CDK5RAP2: variants seen among roughly 807,000 people sequenced by gnomAD.
CDK5RAP2 encodes CDK5 regulatory subunit associated protein 2, also known as CDK5 regulatory subunit-associated protein 2.
In CDK5RAP2, 147 loss-of-function variants were observed where a neutral mutation model predicts 232.9. The observed-to-expected ratio is 0.63, with a 90% CI of 0.55 to 0.72. The LOEUF is 0.72. Among genes scored for constraint, CDK5RAP2 ranks in the 30% least tolerant of loss-of-function variants. CDK5RAP2 has a pLI of 0.00. For missense variants in CDK5RAP2, 2,195 were observed against 2,231.5 expected, an observed-to-expected ratio of 0.98 and a Z score of 0.33; for synonymous variants, 833 against 833.7, an observed-to-expected ratio of 1.00 and a Z score of 0.01.
chr9:120,531,295 C>T (rs973062498), intron 7 of CDK5RAP2, among the ~76,000 whole-genome samples: 1 of 139,858 alleles, frequency 7.2e-6, no homozygotes, highest in African/African-American at 2.6e-5. Flanking sequence ...ACCTGACAAA[C>T]ACCCATTCAT....
At chr9:120,401,812 C>T (rs111452828) in intron 34 of CDK5RAP2, among the ~76,000 whole-genome samples, 5,466 of 151,798 alleles carry the variant, frequency 0.036, 111 homozygotes, top group African/African-American at 0.058. Flanking sequence ...GGTGAAACCC[C>T]GTCTCTACTA....
chr9:120,448,181 G>T, intron 21 of CDK5RAP2, 55 bp from the exon 22 acceptor site: 1 of 1,397,512 alleles, frequency 7.2e-7, no homozygotes, highest in Non-Finnish European at 1.0e-6. Context: ...TCCTTTGGTT[G>T]CACAGTCAAC....
intron 21 of CDK5RAP2, among the ~76,000 whole-genome samples, chr9:120,449,551 T>C (rs1421376914): frequency 1.3e-5 from 2 of 152,270 alleles, no homozygotes; most frequent in South Asian, 2.1e-4. Flanking sequence ...GGAATGAACA[T>C]ATAAACAATA....
chr9:120,520,743 GATATCTCATATCTCATGAGAT>G (rs1224754894), intron 11 of CDK5RAP2, among the ~76,000 whole-genome samples: 12 of 149,136 alleles, frequency 8.0e-5, no homozygotes, highest in East Asian at 4.7e-4. Flanking sequence ...TGTATCATGT[GATATCTCATATCTCATGAGAT>G]ATATCTCAGA....
intron 35 of CDK5RAP2, among the ~76,000 whole-genome samples, chr9:120,398,326 TTTATC>T: frequency 6.6e-6 from 1 of 152,342 alleles, no homozygotes; most frequent in East Asian, 1.9e-4. Flanking sequence ...AAGTATTTGC[TTTATC>T]TTATAATAGA....
At chr9:120,520,676 ACATAT>A (rs1448373787) in intron 11 of CDK5RAP2, among the ~76,000 whole-genome samples, 4 of 150,092 alleles carry the variant, frequency 2.7e-5, no homozygotes, top group East Asian at 2.3e-4. Context: ...CTCATATATC[ACATAT>A]CATATGAGAT....
At chr9:120,542,889 C>T (rs1437870991) in intron 5 of CDK5RAP2, among the ~76,000 whole-genome samples, 1 of 152,140 alleles carries the variant, frequency 6.6e-6, no homozygotes, top group African/African-American at 2.4e-5. Context: ...CTAGAGGAAG[C>T]CATGCGCGGT....
chr9:120,506,187 A>T (rs529638127), intron 12 of CDK5RAP2, among the ~76,000 whole-genome samples: 3 of 152,340 alleles, frequency 2.0e-5, no homozygotes, highest in African/African-American at 7.2e-5. Flanking sequence ...AGAACTCCTT[A>T]AAAATTATGC....
chr9:120,406,857 T>A, intron 32 of CDK5RAP2, 155 bp downstream of exon 32: 1 of 634,412 alleles, frequency 1.6e-6, no homozygotes, highest in South Asian at 1.9e-5. Flanking sequence ...CGCTAATTAA[T>A]TAGCAGTCAG....
At chr9:120,492,827 C>T (rs75873962) in intron 12 of CDK5RAP2, among the ~76,000 whole-genome samples, 2,121 of 152,224 alleles carry the variant, frequency 0.014, 48 homozygotes, top group African/African-American at 0.049. Flanking sequence ...AAACCCAAAA[C>T]TTTAAGTAGA....
intron 7 of CDK5RAP2, among the ~76,000 whole-genome samples, chr9:120,533,099 G>A (rs577926985): frequency 1.3e-5 from 2 of 152,244 alleles, no homozygotes; most frequent in Admixed American, 1.3e-4. Context: ...TCCACGCCCA[G>A]GCAGAGCTGA....
At chr9:120,496,517 G>C (rs1340329387) in intron 12 of CDK5RAP2, among the ~76,000 whole-genome samples, 17 of 145,716 alleles carry the variant, frequency 1.2e-4, no homozygotes, top group African/African-American at 4.1e-4. Context: ...AGGTGGGGGG[G>C]TCGGCCCCCC....
At chr9:120,419,728 G>T in intron 27 of CDK5RAP2, 60 bp downstream of exon 27, 1 of 1,329,246 alleles carries the variant, frequency 7.5e-7, no homozygotes, top group Non-Finnish European at 1.1e-6. Flanking sequence ...CTAAGGTTAA[G>T]ATGGCAAATT....
intron 15 of CDK5RAP2, among the ~76,000 whole-genome samples, chr9:120,473,487 CAG>C (rs1420144788): frequency 6.6e-6 from 1 of 152,242 alleles, no homozygotes; most frequent in Non-Finnish European, 1.5e-5. Context: ...GCTTCTCCTT[CAG>C]AGACTTCCAG....
At chr9:120,535,705 C>T (rs551864007) in intron 7 of CDK5RAP2, among the ~76,000 whole-genome samples, 9 of 152,262 alleles carry the variant, frequency 5.9e-5, no homozygotes, top group East Asian at 1.9e-4. Flanking sequence ...CCAAAAATTT[C>T]GTTGCAAAAT....
intron 7 of CDK5RAP2, among the ~76,000 whole-genome samples, chr9:120,535,559 A>G (rs1265166100): frequency 6.6e-6 from 1 of 152,244 alleles, no homozygotes; most frequent in Non-Finnish European, 1.5e-5. Context: ...TCTTCAACAG[A>G]TAGGTCACAG....
intron 4 of CDK5RAP2, among the ~76,000 whole-genome samples, chr9:120,547,292 A>G (rs2041883539): frequency 6.6e-6 from 1 of 151,694 alleles, no homozygotes; most frequent in Admixed American, 6.6e-5. Context: ...ATCCGGCCAT[A>G]TGTGTATTAT....
intron 11 of CDK5RAP2, 76 bp from the exon 12 acceptor site, chr9:120,518,721 T>C (rs1056781016): frequency 2.4e-5 from 28 of 1,182,592 alleles, no homozygotes; most frequent in Non-Finnish European, 3.4e-5. Flanking sequence ...CTGGGCTCTT[T>C]TTCGCCGTGG....
chr9:120,471,747 C>T lies in CDK5RAP2; in HGVS notation c.1858+1G>A, dbSNP rs1318074282. The stretch of plus-strand genomic sequence containing the variant: ...AGAAGCACATAGAATAAAGTGTGTA[C>T]CTTCCCGCCTCCGAATTTCGCTGAT... On this transcript the variant is annotated splice_donor_variant, in intron 16 of 37. Transcript: ENST00000349780. LOFTEE classifies it high-confidence loss of function. The T allele has an allele frequency of 6.2e-7, 1 of 1,613,986 alleles. No individual in the cohort carries two copies. Among genetic ancestry groups the T allele is most frequent in the Non-Finnish European group, 8.5e-7 (1 of 1,179,978 alleles).
Sources: allele counts gnomAD v4.1 joint callset (sites outside exome capture counted in the v4.1 genomes callset), GRCh38; gene constraint gnomAD v4.1.1; transcripts MANE v1.5; gene names NCBI Gene and HGNC (gene_info 2026-07-23, HGNC 2026-07-21).